TAF5: variants seen among roughly 807,000 people sequenced by gnomAD.
TAF5 encodes TATA-box binding protein associated factor 5.
Under a neutral mutation model 80.9 loss-of-function variants are expected in TAF5, and 20 were observed. The ratio of observed to expected loss-of-function variants is 0.25; its 90% CI spans 0.17 to 0.36. The LOEUF is 0.36. Among genes scored for constraint, TAF5 ranks in the 10% least tolerant of loss-of-function variants. The pLI is 1.00. For missense variants in TAF5, 863 were observed against 1,029.4 expected (o/e 0.84, Z 2.21); for synonymous variants, 388 against 406.4 (o/e 0.95, Z 0.55).
In TAF5 at chr10:103,383,125, G is replaced by T. The variant is rs2093386920; in HGVS notation, c.1535-113G>T. The T allele has an allele frequency of 2.5e-5, 23 of 921,268 alleles. No homozygotes were observed. The South Asian group carries it at 4.4e-4, about 18-fold the overall frequency. The allele number at this position is 921,268 out of a possible 1,614,324, so 57.1% of individuals were successfully genotyped here. A position where few individuals can be genotyped will look rare whatever the true frequency, so the allele number is the denominator to read the frequency against. On this transcript the variant is annotated intron_variant, in intron 6 of 10. Coordinates refer to ENST00000369839, the MANE Select transcript of TAF5 (RefSeq NM_006951.5). ...TAGAGGGATTAGCAAAGTGCGGTTG[G>T]TATATAGGAGGAAATTTTCAAATGT...
At chr10:103,386,206 A>G (rs529514293) in intron 8 of TAF5, among the ~76,000 whole-genome samples, 14 of 152,000 alleles carry the variant, frequency 9.2e-5, no homozygotes, top group Non-Finnish European at 1.8e-4. Context: ...TGGGAGGCCA[A>G]GGAGGGCAGA....
intron 8 of TAF5, among the ~76,000 whole-genome samples, chr10:103,386,160 C>T (rs1181376979): frequency 6.6e-6 from 1 of 151,848 alleles, no homozygotes; most frequent in African/African-American, 2.4e-5. Flanking sequence ...ACTATTTGGC[C>T]AGGTGCAGTG....
rs1170863383 is a variant in TAF5, at chr10:103,378,576, A to G, written c.1113+26A>G. ...GTATGGGAATGAACCTAAGAACTCT[A>G]TAATGCAGATTATGAAAAATTGTAG... On this transcript the variant is annotated intron_variant, in intron 3 of 10. Coordinates refer to ENST00000369839, the MANE Select transcript of TAF5 (RefSeq NM_006951.5). This position sits in a 1 kb window ranked among gnomAD's most constrained non-coding sequence, Gnocchi z 4.1. The G allele has an allele frequency of 3.2e-6, 5 of 1,571,712 alleles. No individual in the cohort carries two copies. The highest frequency in any genetic ancestry group is 2.3e-5 in the South Asian group (2 of 85,188).
In TAF5 at chr10:103,387,729, T is replaced by A. The variant is rs190251578; in HGVS notation, c.2185+31T>A. Reference sequence around the variant, plus strand: ...TGACTATTAATGGCTTTACGATAAATGCTATGTTAAGAGGAAACAGTGTTG... The same window carrying A: ...TGACTATTAATGGCTTTACGATAAAAGCTATGTTAAGAGGAAACAGTGTTG... On this transcript the variant is annotated intron_variant, in intron 10 of 10. Coordinates refer to ENST00000369839, the MANE Select transcript of TAF5 (RefSeq NM_006951.5). 4.4e-6 allele frequency: 7 copies of A among 1,588,978 alleles called. No homozygotes were observed. The African/African-American group carries it at 6.7e-5, about 15-fold the overall frequency.
intron 1 of TAF5, among the ~76,000 whole-genome samples, chr10:103,370,595 G>T (rs1474692699): frequency 6.6e-6 from 1 of 151,922 alleles, no homozygotes; most frequent in East Asian, 2.0e-4. Flanking sequence ...CCAAAGTGCT[G>T]GGATTACAGG....
intron 1 of TAF5, among the ~76,000 whole-genome samples, chr10:103,369,839 A>G (rs2093355018): frequency 1.3e-5 from 2 of 152,154 alleles, no homozygotes; most frequent in African/African-American, 2.4e-5. Flanking sequence ...CTTGAGAGCC[A>G]TGTGTTTAGG....
At chr10:103,382,635 AG>A (rs902926293) in intron 6 of TAF5, among the ~76,000 whole-genome samples, 1 of 151,046 alleles carries the variant, frequency 6.6e-6, no homozygotes, top group Non-Finnish European at 1.5e-5. Context: ...ATATTTCCAT[AG>A]GTTTTTTTTT....
chr10:103,380,561 A>C (rs958515497), intron 5 of TAF5, among the ~76,000 whole-genome samples: 3 of 152,130 alleles, frequency 2.0e-5, no homozygotes, highest in South Asian at 4.1e-4. Flanking sequence ...GGAGGAGCAA[A>C]TTGTAGTTCA....
At chr10:103,382,010 T>G (rs1304770989) in intron 6 of TAF5, among the ~76,000 whole-genome samples, 169 bp downstream of exon 6, 1 of 152,174 alleles carries the variant, frequency 6.6e-6, no homozygotes. Flanking sequence ...GTGACTGGGG[T>G]GCTAGACTGG....
At chr10:103,369,172 T>C (rs1191288509) in intron 1 of TAF5, among the ~76,000 whole-genome samples, 2 of 151,434 alleles carry the variant, frequency 1.3e-5, no homozygotes, top group East Asian at 3.9e-4. Flanking sequence ...AGAGGCGGGC[T>C]TTCACCATGT....
rs1417853114 is a variant in TAF5, at chr10:103,374,066, A to G, written c.797+471A>G. Among the ~76,000 whole-genome samples the G allele has an allele frequency of 2.6e-5, 4 of 152,120 alleles. No individual in the cohort carries two copies. Among genetic ancestry groups the G allele is most frequent in the African/African-American group, 9.7e-5 (4 of 41,428 alleles). On this transcript the variant is annotated intron_variant, in intron 2 of 10. Transcript: ENST00000369839. This position sits in a 1 kb window ranked among gnomAD's most constrained non-coding sequence, Gnocchi z 4.3. ...AAAAGGATAGGCAGGTTTTTGGGCC[A>G]TGTTGAGGGTCTTTGTTTATCCTAA...
intron 5 of TAF5, 51 bp from the exon 6 acceptor site, chr10:103,381,670 T>G (rs2093383165): frequency 6.3e-7 from 1 of 1,596,682 alleles, no homozygotes; most frequent in Non-Finnish European, 8.6e-7. Flanking sequence ...TTGCTTCCTA[T>G]CTCTAAATAT....
Position 103,374,900 on chromosome 10 carries a change from T to G in TAF5, c.797+1305T>G, listed in dbSNP as rs1474162143. Among the ~76,000 whole-genome samples, 3 of 151,436 alleles carry G rather than the reference T, an allele frequency of 2.0e-5. No homozygotes were observed. Among genetic ancestry groups the G allele is most frequent in the Non-Finnish European group, 4.4e-5 (3 of 67,774 alleles). ...CAGCACTTTGGGAGGCTGAGGCGGG[T>G]GGATCACTTTGACCTCAGGAGTTTG... On this transcript the variant is annotated intron_variant, in intron 2 of 10. Transcript: ENST00000369839. This position sits in a 1 kb window ranked among gnomAD's most constrained non-coding sequence, Gnocchi z 4.3.
chr10:103,368,243 C>G lies in TAF5; in HGVS notation c.254C>G (p.Ala85Gly), dbSNP rs1431623279. 3.3e-6 allele frequency: 5 copies of G among 1,496,734 alleles called. No individual in the cohort carries two copies. The South Asian group carries it at 3.7e-5, about 11-fold the overall frequency. The allele number at this position is 1,496,734 out of a possible 1,614,324, so 92.7% of individuals were successfully genotyped here. A position where few individuals can be genotyped will look rare whatever the true frequency, so the allele number is the denominator to read the frequency against. The stretch of plus-strand genomic sequence containing the variant: ...GGGGCGGCCCCGGTGCCCGCCGCTG[C>G]TCCGGACGCCGGCGCTCCGCATGAC... ...PAGAAPVPAA[A>G]PDAGAPHDRQ... is the part of the protein sequence containing the mutation. Residue 85 changes from alanine (A) to glycine (G), a missense_variant, in exon 1 of 11, where the codon GCT becomes GGT. Transcript: ENST00000369839.
chr10:103,387,182 G>A lies in TAF5; in HGVS notation c.1837G>A (p.Ala613Thr). 1.2e-6 allele frequency: 2 copies of A among 1,612,558 alleles called. No individual in the cohort carries two copies. The highest frequency in any genetic ancestry group is 1.7e-6 in the Non-Finnish European group (2 of 1,179,122). Residue 613 changes from alanine to threonine, a missense_variant, in exon 9 of 11, where the codon GCT (alanine) becomes ACT (threonine). This residue lies in a region of TAF5 where 368 missense variants were observed against 461.7 expected (regional missense o/e 0.80). Transcript: ENST00000369839. ...GGHDRVARLW[A>T]TDHYQPLRIF... is the part of the protein sequence containing the mutation. ...TCAATAACTTTATAAAAGGCTCTGGGCTACAGACCACTATCAGCCTTTAAG... is the reference window on the plus strand; with the variant it reads ...TCAATAACTTTATAAAAGGCTCTGGACTACAGACCACTATCAGCCTTTAAG...
rs1191184670 is a variant in TAF5, at chr10:103,368,506, G to A, written c.517G>A (p.Val173Ile). 2 of 1,567,908 alleles carry A rather than the reference G, an allele frequency of 1.3e-6. No individual in the cohort carries two copies. The highest frequency in any genetic ancestry group is 1.7e-6 in the Non-Finnish European group (2 of 1,166,614). Residue 173 changes from valine to isoleucine, a missense_variant, in exon 1 of 11, where the codon GTC (valine) becomes ATC (isoleucine). Around this residue, in one of 3 missense-constraint regions of TAF5, gnomAD observed 367 missense variants for 335.5 expected, o/e 1.09. Transcript: ENST00000369839. ...PPGTGASGAT[V>I]VSGSASGPAA... The stretch of plus-strand genomic sequence containing the variant: ...GGGCACTGGCGCTTCGGGGGCCACG[G>A]TCGTCTCAGGTTCAGCCTCAGGTCC...
intron 8 of TAF5, 120 bp downstream of exon 8, chr10:103,385,610 A>C: frequency 8.6e-7 from 1 of 1,158,744 alleles, no homozygotes. Flanking sequence ...ACTTTCTGAG[A>C]AGCTTTTGCA....
rs1480227786 is a variant in TAF5 at position 103,381,730 on chromosome 10, G to A, written c.1423G>A (p.Ala475Thr). 2 of 1,614,150 alleles carry A rather than the reference G, an allele frequency of 1.2e-6. No homozygotes were observed. Among genetic ancestry groups the A allele is most frequent in the South Asian group, 2.2e-5 (2 of 91,086 alleles). ...TFLNAYQGLT[A>T]VDVTDDSSLI... ...ACCCTTTTATTGGCAGGGTCTCACTGCAGTGGATGTCACTGATGATTCTAG... is the reference window on the plus strand; with the variant it reads ...ACCCTTTTATTGGCAGGGTCTCACTACAGTGGATGTCACTGATGATTCTAG... The change falls in exon 6 of 11, where the codon GCA becomes ACA. Residue 475 changes from alanine (A) to threonine (T), a missense_variant. Ala to Thr is a moderately conservative substitution (Grantham distance 58, BLOSUM62 0). This residue lies in a region of TAF5 where 368 missense variants were observed against 461.7 expected (regional missense o/e 0.80). Coordinates refer to ENST00000369839, the MANE Select transcript of TAF5 (RefSeq NM_006951.5).
In TAF5 at chr10:103,368,564, C is replaced by A. The variant is rs1216640619; in HGVS notation, c.559+16C>A. On this transcript the variant is annotated intron_variant, in intron 1 of 10. Coordinates refer to ENST00000369839, the MANE Select transcript of TAF5 (RefSeq NM_006951.5). Reference sequence around the variant, plus strand: ...CCGGGTAAAGGTGAGCCGTGGGGTCCCGGGTAGGTACGGCCGCCGCGAAGG... The same window carrying A: ...CCGGGTAAAGGTGAGCCGTGGGGTCACGGGTAGGTACGGCCGCCGCGAAGG... 5 of 1,472,586 alleles carry A rather than the reference C, an allele frequency of 3.4e-6. No individual in the cohort carries two copies. Among genetic ancestry groups the A allele is most frequent in the Non-Finnish European group, 4.5e-6 (5 of 1,119,846 alleles). 91.2% of individuals were successfully genotyped at this position (1,472,586 alleles called of 1,614,324 possible). A position where few individuals can be genotyped will look rare whatever the true frequency, so the allele number is the denominator to read the frequency against.
Sources: gnomAD v4.1 joint callset for allele counts (sites outside exome capture counted in the v4.1 genomes callset) on GRCh38, gnomAD v4.1.1 for gene constraint, gnomAD v4.1.1 regional missense constraint, Gnocchi (gnomAD v3.1) non-coding constraint, MANE v1.5 for transcripts, NCBI Gene and HGNC (gene_info 2026-07-23, HGNC 2026-07-21) for gene names.